The following ZNF804A variants were observed in gnomAD, a reference collection of about 807,000 sequenced individuals.
ZNF804A encodes zinc finger protein 804A.
Under a neutral mutation model 16.5 loss-of-function variants are expected in ZNF804A, and 2 were observed. The observed-to-expected ratio is 0.12, with a 90% CI of 0.05 to 0.38. The LOEUF (loss-of-function observed/expected upper bound fraction) is 0.38. Among genes scored for constraint, ZNF804A ranks in the 10% least tolerant of loss-of-function variants. The pLI is 0.99. For missense variants in ZNF804A, 1,473 were observed against 1,390.7 expected (o/e 1.06, Z -0.94); for synonymous variants, 534 against 489.6 (o/e 1.09, Z -1.20).
At chr2:184,747,020 G>T (rs1342636254) in intron 1 of ZNF804A, among the ~76,000 whole-genome samples, 2 of 151,202 alleles carry the variant, frequency 1.3e-5, no homozygotes, top group African/African-American at 4.8e-5. Context: ...AATCCCTCTT[G>T]CAGAGTCACA....
intron 1 of ZNF804A, among the ~76,000 whole-genome samples, chr2:184,799,092 C>T (rs1024566342): frequency 2.0e-5 from 3 of 152,084 alleles, no homozygotes; most frequent in African/African-American, 7.2e-5. Flanking sequence ...GGTCTCTCAG[C>T]CATGGATACC....
chr2:184,693,874 A>G (rs1294274919), intron 1 of ZNF804A, among the ~76,000 whole-genome samples: 1 of 151,746 alleles, frequency 6.6e-6, no homozygotes, highest in African/African-American at 2.4e-5. Flanking sequence ...TAATCTCATG[A>G]ATACTCAACT....
At chr2:184,711,234 G>C (rs1271693470) in intron 1 of ZNF804A, among the ~76,000 whole-genome samples, 2 of 151,648 alleles carry the variant, frequency 1.3e-5, no homozygotes, top group Admixed American at 6.6e-5. Context: ...TTGTGGTTTT[G>C]ATTAGCTTTT....
chr2:184,744,936 A>G (rs1380275034), intron 1 of ZNF804A, among the ~76,000 whole-genome samples: 1 of 151,842 alleles, frequency 6.6e-6, no homozygotes, highest in Non-Finnish European at 1.5e-5. Context: ...AAAGTATTTC[A>G]GACAATAGGG....
At chr2:184,648,969 A>T (rs188871236) in intron 1 of ZNF804A, among the ~76,000 whole-genome samples, 179 of 152,232 alleles carry the variant, frequency 1.2e-3, no homozygotes, top group Middle Eastern at 3.4e-3. Flanking sequence ...CTCAAAACCC[A>T]TGGAATATAT....
chr2:184,803,858 C>CT (rs1043170929), intron 1 of ZNF804A, among the ~76,000 whole-genome samples: 31 of 143,052 alleles, frequency 2.2e-4, no homozygotes, highest in Non-Finnish European at 2.5e-4. Flanking sequence ...TCTTTTCTGT[C>CT]TTTTTTTTTG....
At chr2:184,796,952 G>T (rs938519750) in intron 1 of ZNF804A, among the ~76,000 whole-genome samples, 5 of 151,684 alleles carry the variant, frequency 3.3e-5, no homozygotes, top group African/African-American at 4.8e-5. Flanking sequence ...TTTTTTTGAG[G>T]GGTTGATTTC....
chr2:184,866,007 T>G (rs1317372820), intron 1 of ZNF804A, among the ~76,000 whole-genome samples: 1 of 152,156 alleles, frequency 6.6e-6, no homozygotes, highest in African/African-American at 2.4e-5. Flanking sequence ...TAGAAAAATT[T>G]TATGTTAGCT....
chr2:184,905,243 C>G (rs1685251797), intron 2 of ZNF804A, among the ~76,000 whole-genome samples: 1 of 152,206 alleles, frequency 6.6e-6, no homozygotes, highest in South Asian at 2.1e-4. Context: ...AGATTCAAAG[C>G]ACTTCCTTTT....
intron 1 of ZNF804A, among the ~76,000 whole-genome samples, chr2:184,781,942 T>C (rs1694377681): frequency 6.6e-6 from 1 of 151,860 alleles, no homozygotes; most frequent in Admixed American, 6.6e-5. Flanking sequence ...GCAAGATAAA[T>C]TCTTCTAAGG....
At chr2:184,761,955 T>C (rs1365852207) in intron 1 of ZNF804A, among the ~76,000 whole-genome samples, 1 of 152,134 alleles carries the variant, frequency 6.6e-6, no homozygotes, top group Non-Finnish European at 1.5e-5. Context: ...AAGAAGGCTA[T>C]ATTTTAAATT....
intron 1 of ZNF804A, among the ~76,000 whole-genome samples, chr2:184,823,301 A>AGC (rs2105791959): frequency 6.6e-6 from 1 of 152,206 alleles, no homozygotes; most frequent in South Asian, 2.1e-4. Flanking sequence ...CACCCACATG[A>AGC]TTTAACACCT....
intron 1 of ZNF804A, 122 bp downstream of exon 1, chr2:184,599,192 G>A: frequency 2.6e-6 from 2 of 774,634 alleles, no homozygotes; most frequent in South Asian, 3.3e-5. Context: ...TATCTGGTGG[G>A]CGTGGGGTGA....
At chr2:184,842,385 GAC>G (rs1389325977) in intron 1 of ZNF804A, among the ~76,000 whole-genome samples, 1 of 152,094 alleles carries the variant, frequency 6.6e-6, no homozygotes, top group African/African-American at 2.4e-5. Flanking sequence ...CCTGTGATGT[GAC>G]ACCTACAGTG....
At chr2:184,893,472 C>G (rs1035203703) in intron 2 of ZNF804A, among the ~76,000 whole-genome samples, 1 of 151,966 alleles carries the variant, frequency 6.6e-6, no homozygotes, top group Non-Finnish European at 1.5e-5. Flanking sequence ...TTTATTAAGT[C>G]AGCAAATTGC....
intron 1 of ZNF804A, among the ~76,000 whole-genome samples, chr2:184,840,105 C>T (rs995165687): frequency 1.3e-5 from 2 of 152,124 alleles, no homozygotes; most frequent in African/African-American, 4.8e-5. Flanking sequence ...CACCTAGGCT[C>T]ATGGCCATCG....
intron 1 of ZNF804A, among the ~76,000 whole-genome samples, chr2:184,840,253 G>A (rs966916135): frequency 1.3e-5 from 2 of 152,112 alleles, no homozygotes; most frequent in Admixed American, 1.3e-4. Flanking sequence ...ACCTGGACAT[G>A]GTGGCACCCA....
chr2:184,928,558 C>G (rs1286968926), intron 2 of ZNF804A, among the ~76,000 whole-genome samples: 1 of 152,104 alleles, frequency 6.6e-6, no homozygotes, highest in Non-Finnish European at 1.5e-5. Context: ...TGGCTCTGAG[C>G]CCAGTTCAGC....
intron 1 of ZNF804A, among the ~76,000 whole-genome samples, chr2:184,747,770 G>GTACCCAATA (rs931680324): frequency 1.3e-5 from 2 of 150,972 alleles, no homozygotes; most frequent in African/African-American, 4.8e-5. Flanking sequence ...AGTGAGCATA[G>GTACCCAATA]TACCCAATAG....
Sources: gnomAD v4.1 joint callset for allele counts (sites outside exome capture counted in the v4.1 genomes callset) on GRCh38, gnomAD v4.1.1 for gene constraint, MANE v1.5 for transcripts, NCBI Gene and HGNC (gene_info 2026-07-23, HGNC 2026-07-21) for gene names.